ZNF407: variants seen among roughly 807,000 people sequenced by gnomAD.
The protein encoded by ZNF407 is zinc finger protein 407.
In ZNF407, 17 loss-of-function variants were observed where a neutral mutation model predicts 131.2. The ratio of observed to expected loss-of-function variants is 0.13; its 90% CI spans 0.09 to 0.19. The LOEUF (loss-of-function observed/expected upper bound fraction) is 0.19. Ranked by LOEUF, ZNF407 falls within the 10% of genes least tolerant of loss-of-function variation. The probability of loss-of-function intolerance (pLI) is 1.00; values close to 1 mark genes in which losing one functional copy is unlikely to be tolerated. For missense variants in ZNF407, 2,681 were observed against 2,830.6 expected (o/e 0.95, Z 1.20); for synonymous variants, 1,156 against 1,062.0 (o/e 1.09, Z -1.72).
rs867020413 is a variant in ZNF407 at position 74,889,931 on chromosome 18, C to T, written c.5142C>T (p.Phe1714=). The T allele has an allele frequency of 1.1e-5, 17 of 1,607,996 alleles. No homozygotes were observed. The Middle Eastern group carries it at 8.2e-4, about 78-fold the overall frequency. Reference sequence around the variant, plus strand: ...GATATATTACAGGAGAAAAACCTTTCAAGTGCGATGAGTGTAACTTTGCCT... The same window carrying T: ...GATATATTACAGGAGAAAAACCTTTTAAGTGCGATGAGTGTAACTTTGCCT... The part of the protein sequence containing the change: ...HRRQHTGEKP[F]KCDECNFAST... Residue 1714 remains phenylalanine, a synonymous_variant, in exon 7 of 9, where the codon TTC becomes TTT. Transcript: ENST00000299687.
chr18:74,678,584 A>G (rs1391994743), intron 3 of ZNF407, among the ~76,000 whole-genome samples: 1 of 152,206 alleles, frequency 6.6e-6, no homozygotes, highest in African/African-American at 2.4e-5. Flanking sequence ...GATTTTGCCC[A>G]GATCCTGGCC....
intron 4 of ZNF407, chr18:74,804,485 G>A (rs1203335170): frequency 1.0e-6 from 1 of 987,506 alleles, no homozygotes; most frequent in Non-Finnish European, 1.2e-6. Context: ...TTGGTTATTT[G>A]TACCCTTTTG....
In ZNF407 at chr18:74,634,302, A is replaced by G; in HGVS notation, c.3283A>G (p.Ile1095Val). ...TTCTGCAGACATGTCCAAAAACATC[A>G]TTATGCCTGAAGAAGAGCATCAACA... ...AGSADMSKNI[I>V]MPEEEHQQNS... The change falls in exon 2 of 9, where the codon ATT (isoleucine) becomes GTT (valine). Residue 1095 changes from isoleucine to valine, a missense_variant. By Grantham distance (29) the Ile-to-Val change is conservative. Coordinates refer to ENST00000299687, the MANE Select transcript of ZNF407 (RefSeq NM_017757.3). The G allele has an allele frequency of 6.2e-7, 1 of 1,614,026 alleles. No individual in the cohort carries two copies. The highest frequency in any genetic ancestry group is 8.5e-7 in the Non-Finnish European group (1 of 1,179,874).
At chr18:75,004,908 G>A (rs1393628260) in intron 8 of ZNF407, among the ~76,000 whole-genome samples, 1 of 152,142 alleles carries the variant, frequency 6.6e-6, no homozygotes, top group Non-Finnish European at 1.5e-5. Context: ...GGCAGCGCTG[G>A]GATGGGCAAA....
intron 3 of ZNF407, among the ~76,000 whole-genome samples, chr18:74,691,005 G>A (rs1346227495): frequency 2.0e-5 from 3 of 152,156 alleles, no homozygotes; most frequent in East Asian, 1.9e-4. Context: ...AAGGCCGAGC[G>A]CAGTGGCTCA....
intron 4 of ZNF407, among the ~76,000 whole-genome samples, chr18:74,805,648 T>G (rs747535532): frequency 1.6e-4 from 25 of 152,352 alleles, no homozygotes; most frequent in Non-Finnish European, 3.5e-4. Flanking sequence ...TGACTTCTGT[T>G]AAACTGAACC....
At chr18:74,689,353 A>G (rs1568167731) in intron 3 of ZNF407, among the ~76,000 whole-genome samples, 2 of 152,226 alleles carry the variant, frequency 1.3e-5, no homozygotes, top group Admixed American at 6.5e-5. Context: ...TAATTCTGGT[A>G]GCTTTTTTGT....
intron 3 of ZNF407, among the ~76,000 whole-genome samples, chr18:74,765,089 T>C (rs1229605835): frequency 1.3e-5 from 2 of 152,152 alleles, no homozygotes; most frequent in Non-Finnish European, 2.9e-5. Flanking sequence ...TACTACATTA[T>C]TTTTATGTAA....
rs760846285 is a variant in ZNF407 at position 74,920,605 on chromosome 18, G to A, written c.5341G>A (p.Gly1781Arg). 9.3e-6 allele frequency: 15 copies of A among 1,610,748 alleles called. No individual in the cohort carries two copies. Among genetic ancestry groups the A allele is most frequent in the Admixed American group, 1.7e-5 (1 of 59,954 alleles). The change falls in exon 8 of 9, where the codon GGG (glycine) becomes AGG (arginine). Residue 1781 changes from glycine to arginine, a missense_variant. By Grantham distance (125) the Gly-to-Arg change is moderately radical. Coordinates refer to ENST00000299687, the MANE Select transcript of ZNF407 (RefSeq NM_017757.3). ...GTACAACTGTCCCAAGTGTGACTAC[G>A]GGACCAACGTCCCGGTGGAGTTCCG... ...KMYNCPKCDY[G>R]TNVPVEFRNH...
chr18:74,612,268 C>T (rs558128613), intron 1 of ZNF407, among the ~76,000 whole-genome samples: 4 of 152,012 alleles, frequency 2.6e-5, no homozygotes, highest in Non-Finnish European at 5.9e-5. Flanking sequence ...AGACTCAAGT[C>T]GGTGGATAAC....
chr18:74,726,428 A>G (rs1275351437), intron 3 of ZNF407, among the ~76,000 whole-genome samples: 2 of 152,226 alleles, frequency 1.3e-5, no homozygotes, highest in Non-Finnish European at 2.9e-5. Flanking sequence ...CATGGAAGGA[A>G]TAACTTTACT....
intron 7 of ZNF407, among the ~76,000 whole-genome samples, chr18:74,912,648 T>C (rs559616513): frequency 1.3e-5 from 2 of 152,320 alleles, no homozygotes; most frequent in South Asian, 4.2e-4. Flanking sequence ...TAATGTGATA[T>C]AACGCAACTC....
intron 4 of ZNF407, among the ~76,000 whole-genome samples, chr18:74,796,978 G>A (rs1004707933): frequency 6.6e-6 from 1 of 152,162 alleles, no homozygotes; most frequent in Admixed American, 6.5e-5. Flanking sequence ...CTAGGTGATT[G>A]ATAACTGCAC....
intron 4 of ZNF407, among the ~76,000 whole-genome samples, chr18:74,859,696 A>T (rs1041525869): frequency 1.3e-5 from 2 of 152,216 alleles, no homozygotes; most frequent in Non-Finnish European, 2.9e-5. Context: ...GAAAAGATAA[A>T]TTACTTACTT....
At chr18:74,722,747 C>T (rs1968068501) in intron 3 of ZNF407, among the ~76,000 whole-genome samples, 1 of 152,148 alleles carries the variant, frequency 6.6e-6, no homozygotes, top group Non-Finnish European at 1.5e-5. Context: ...TTGTTGCTTT[C>T]ATTTGATTTT....
intron 3 of ZNF407, among the ~76,000 whole-genome samples, chr18:74,649,174 C>T (rs1985110935): frequency 6.6e-6 from 1 of 152,162 alleles, no homozygotes; most frequent in Non-Finnish European, 1.5e-5. Flanking sequence ...TTAAAAAGTC[C>T]TATTTACTGC....
At chr18:74,982,343 C>G (rs1024284228) in intron 8 of ZNF407, among the ~76,000 whole-genome samples, 1 of 152,206 alleles carries the variant, frequency 6.6e-6, no homozygotes, top group Non-Finnish European at 1.5e-5. Context: ...TCTATAGTCT[C>G]TTTCTCAAAG....
At chr18:74,681,754 A>G (rs1966988482) in intron 3 of ZNF407, among the ~76,000 whole-genome samples, 1 of 152,170 alleles carries the variant, frequency 6.6e-6, no homozygotes, top group Non-Finnish European at 1.5e-5. Flanking sequence ...GCTACTTTCC[A>G]TGGTGAGATA....
At chr18:74,916,625 C>A (rs1277370916) in intron 7 of ZNF407, among the ~76,000 whole-genome samples, 2 of 62,986 alleles carry the variant, frequency 3.2e-5, no homozygotes, top group Non-Finnish European at 5.6e-5. Context: ...TGGTTCGAAT[C>A]GGGAGTGTGT....
Sources: gnomAD v4.1 joint callset for allele counts (sites outside exome capture counted in the v4.1 genomes callset) on GRCh38, gnomAD v4.1.1 for gene constraint, MANE v1.5 for transcripts, NCBI Gene and HGNC (gene_info 2026-07-23, HGNC 2026-07-21) for gene names.